The following JAM2 variants were observed in gnomAD, a reference collection of about 807,000 sequenced individuals.
The protein encoded by JAM2 is junctional adhesion molecule B.
Under a neutral mutation model 42.0 loss-of-function variants are expected in JAM2, and 17 were observed. The ratio of observed to expected loss-of-function variants is 0.40; its 90% confidence interval spans 0.28 to 0.61. JAM2 has a LOEUF of 0.61. JAM2 is among the 20% of genes least tolerant of loss of function. JAM2 has a pLI of 0.37. For synonymous variants in JAM2, 118 were observed against 128.6 expected (o/e 0.92, Z 0.56); for missense variants, 319 against 358.3 (o/e 0.89, Z 0.89).
At chr21:25,662,872 T>G (rs1339848087) in intron 1 of JAM2, among the ~76,000 whole-genome samples, 1 of 152,212 alleles carries the variant, frequency 6.6e-6, no homozygotes, top group East Asian at 1.9e-4. Context: ...GACACAATCT[T>G]GTATCAAATA....
chr21:25,664,951 C>T (rs1032796854), intron 1 of JAM2, among the ~76,000 whole-genome samples: 5 of 152,086 alleles, frequency 3.3e-5, no homozygotes, highest in African/African-American at 9.7e-5. Flanking sequence ...AGGAAAAGAA[C>T]GTGAAAGAAG....
chr21:25,681,581 G>A (rs1199155314), intron 1 of JAM2, among the ~76,000 whole-genome samples: 1 of 152,164 alleles, frequency 6.6e-6, no homozygotes, highest in Non-Finnish European at 1.5e-5. Flanking sequence ...AGATTTGAGT[G>A]GGGACACAGC....
Position 25,689,982 on chromosome 21 carries a change from C to G in JAM2, c.241+9C>G, listed in dbSNP as rs766516573. 1.7e-5 allele frequency: 26 copies of G among 1,556,704 alleles called. No homozygotes were observed. The highest frequency in any genetic ancestry group is 2.3e-5 in the Non-Finnish European group (26 of 1,128,880). ...TCAACAGACTCTTCAAGGTAAGCAG[C>G]TGTAGGCTTGAAGAGGTGTGAGCAA... On this transcript the variant is annotated intron_variant, in intron 3 of 9. Transcript: ENST00000480456.
chr21:25,653,723 G>A (rs1476033402), intron 1 of JAM2, among the ~76,000 whole-genome samples: 2 of 151,980 alleles, frequency 1.3e-5, no homozygotes, highest in Admixed American at 6.6e-5. Flanking sequence ...GGGATGATGG[G>A]GATTATGGGG....
chr21:25,640,282 G>A (rs893432817), intron 1 of JAM2, among the ~76,000 whole-genome samples: 1 of 152,058 alleles, frequency 6.6e-6, no homozygotes, highest in Non-Finnish European at 1.5e-5. Flanking sequence ...GGAGGCGGGC[G>A]CCGGCCACAC....
chr21:25,705,796 A>C (rs938754092), intron 6 of JAM2, among the ~76,000 whole-genome samples, 183 bp from the exon 7 acceptor site: 12 of 152,230 alleles, frequency 7.9e-5, no homozygotes, highest in African/African-American at 2.9e-4. Context: ...AGTTCTGTTA[A>C]TATTTTTAAT....
chr21:25,672,690 C>T (rs78976603), intron 1 of JAM2, among the ~76,000 whole-genome samples: 10 of 152,230 alleles, frequency 6.6e-5, no homozygotes, highest in South Asian at 6.2e-4. Flanking sequence ...TGTAGAGGTG[C>T]GCCTATACAC....
chr21:25,701,228 G>A (rs1013719154), intron 5 of JAM2, among the ~76,000 whole-genome samples: 7 of 152,148 alleles, frequency 4.6e-5, no homozygotes, highest in Admixed American at 4.6e-4. Flanking sequence ...AAAGCATTCT[G>A]GCTTTGAGGA....
rs550873304 is a variant in JAM2 at position 25,678,983 on chromosome 21, G to A, written c.68-4900G>A. Among the ~76,000 whole-genome samples, 3 of 152,200 alleles carry A rather than the reference G, an allele frequency of 2.0e-5. No homozygotes were observed. In the East Asian group the frequency reaches 5.8e-4, roughly 29 times the overall value. ...CCCAGATAATTTTTAAAAATTTTTT[G>A]TAGAGATGGGGGATGTTACTATGTT... On this transcript the variant is annotated intron_variant, in intron 1 of 9. Transcript: ENST00000480456.
intron 4 of JAM2, among the ~76,000 whole-genome samples, chr21:25,695,634 CGGCAGG>C (rs2033996206): frequency 6.7e-6 from 1 of 150,148 alleles, no homozygotes; most frequent in Non-Finnish European, 1.5e-5. Context: ...GATGGGGCGG[CGGCAGG>C]GCGGAGATGC....
chr21:25,689,875 T>G lies in JAM2; in HGVS notation c.143T>G (p.Leu48Ter). 6.2e-7 allele frequency: 1 copy of G among 1,609,876 alleles called. No homozygotes were observed. The highest frequency in any genetic ancestry group is 1.1e-5 in the South Asian group (1 of 90,976). The change falls in exon 3 of 10, where the codon TTA (leucine) becomes TGA (stop). Residue 48 changes from leucine to a stop codon, truncating the protein, a stop_gained. Coordinates refer to ENST00000480456, the MANE Select transcript of JAM2 (RefSeq NM_021219.4). LOFTEE classifies it high-confidence loss of function. ...VTAVEYQEAI[L>*]ACKTPKKTVS... Reference sequence around the variant, plus strand: ...TTATTGTTGTTCCTAGAGGCTATTTTAGCCTGCAAAACCCCAAAGAAGACT... The same window carrying G: ...TTATTGTTGTTCCTAGAGGCTATTTGAGCCTGCAAAACCCCAAAGAAGACT...
At chr21:25,665,691 A>G (rs924488905) in intron 1 of JAM2, among the ~76,000 whole-genome samples, 6 of 152,078 alleles carry the variant, frequency 3.9e-5, no homozygotes, top group Non-Finnish European at 7.4e-5. Flanking sequence ...TAGGCCTTCA[A>G]TTGACCGGAT....
rs1049895401 is a variant in JAM2 at position 25,716,804 on chromosome 21, T to A, written c.*2132T>A. The A allele has an allele frequency of 2.0e-5, 3 of 152,234 alleles. No homozygotes were observed. The highest frequency in any genetic ancestry group is 7.2e-5 in the African/African-American group (3 of 41,452). 9.4% of individuals were successfully genotyped at this position (152,234 alleles called of 1,614,324 possible). On this transcript the variant is annotated 3_prime_UTR_variant, in exon 10 of 10. Coordinates refer to ENST00000480456, the MANE Select transcript of JAM2 (RefSeq NM_021219.4). ...CCTGTCTACAAGCTTTTGTAAGAAA[T>A]CAGGCTAAATGTTACCTATGTTTTG...
chr21:25,650,584 ATGTCCT>A (rs1412470520), intron 1 of JAM2, among the ~76,000 whole-genome samples: 1 of 152,252 alleles, frequency 6.6e-6, no homozygotes, highest in African/African-American at 2.4e-5. Context: ...AAAAGAGGAT[ATGTCCT>A]GACGTGTGTT....
chr21:25,710,105 AATG>A (rs536160354), intron 8 of JAM2: 2 of 152,288 alleles, frequency 1.3e-5, no homozygotes, highest in South Asian at 4.1e-4. Context: ...GTACAGAGAG[AATG>A]ATGATTACCC....
chr21:25,714,401 G>A (rs1216442603), intron 9 of JAM2: 4 of 448,776 alleles, frequency 8.9e-6, no homozygotes, highest in Admixed American at 4.0e-5. Context: ...CTGCTTGGGA[G>A]ACAGGAGAAT....
intron 1 of JAM2, among the ~76,000 whole-genome samples, chr21:25,674,042 G>A (rs1429697780): frequency 2.6e-5 from 4 of 152,126 alleles, no homozygotes; most frequent in African/African-American, 7.2e-5. Context: ...CACCATAATT[G>A]TGAGGCCTCC....
chr21:25,686,769 G>T (rs2033760667), intron 2 of JAM2, among the ~76,000 whole-genome samples: 1 of 152,202 alleles, frequency 6.6e-6, no homozygotes, highest in African/African-American at 2.4e-5. Flanking sequence ...TGATTTTGAT[G>T]ATTTTTAACT....
At chr21:25,672,744 T>C (rs1479485524) in intron 1 of JAM2, among the ~76,000 whole-genome samples, 1 of 152,192 alleles carries the variant, frequency 6.6e-6, no homozygotes, top group Non-Finnish European at 1.5e-5. Flanking sequence ...CCCAGGCTTG[T>C]TGTTCTTTCT....
Sources: allele counts gnomAD v4.1 joint callset (sites outside exome capture counted in the v4.1 genomes callset), GRCh38; gene constraint gnomAD v4.1.1; transcripts MANE v1.5; gene names NCBI Gene and HGNC (gene_info 2026-07-23, HGNC 2026-07-21).